Variants in YEATS2 observed in about 807,000 individuals in gnomAD.
The protein encoded by YEATS2 is YEATS domain containing 2, also known as YEATS domain-containing protein 2.
Under a neutral mutation model 163.2 loss-of-function variants are expected in YEATS2, and 77 were observed. The ratio of observed to expected loss-of-function variants is 0.47; its 90% CI spans 0.39 to 0.57. The LOEUF is 0.57. Among genes scored for constraint, YEATS2 ranks in the 20% least tolerant of loss-of-function variants. The probability of loss-of-function intolerance (pLI) is 0.00; values close to 1 mark genes in which losing one functional copy is unlikely to be tolerated. For missense variants in YEATS2, 1,549 were observed against 1,729.8 expected (o/e 0.90, Z 1.85); for synonymous variants, 631 against 645.1 (o/e 0.98, Z 0.33).
At chr3:183,710,092 C>G (rs1417694141) in intron 1 of YEATS2, among the ~76,000 whole-genome samples, 1 of 152,192 alleles carries the variant, frequency 6.6e-6, no homozygotes, top group Non-Finnish European at 1.5e-5. Context: ...AAAATTCTTT[C>G]TCACAGTCAA....
Position 183,773,808 on chromosome 3 carries a change from T to C in YEATS2, c.2368+14T>C, listed in dbSNP as rs1427177984. On this transcript the variant is annotated intron_variant, in intron 17 of 30. Coordinates refer to ENST00000305135, the MANE Select transcript of YEATS2 (RefSeq NM_018023.5). ...CGAACAATGCTAGTTAGTGAAACCA[T>C]TGGGTTGAATCATTTGGTTCTTGGT... 1.3e-6 allele frequency: 2 copies of C among 1,594,280 alleles called. No homozygotes were observed. Among genetic ancestry groups the C allele is most frequent in the African/African-American group, 2.7e-5 (2 of 73,852 alleles).
chr3:183,724,669 C>T (rs1577062281), intron 6 of YEATS2, 138 bp downstream of exon 6: 1 of 618,596 alleles, frequency 1.6e-6, no homozygotes. Context: ...AAGTAAACCA[C>T]AGTCTAGAGA....
intron 6 of YEATS2, among the ~76,000 whole-genome samples, chr3:183,727,233 AAG>A (rs1159317537): frequency 1.3e-5 from 2 of 152,204 alleles, no homozygotes; most frequent in African/African-American, 4.8e-5. Flanking sequence ...AAATTAAAAA[AAG>A]AGAAGGCACA....
Position 183,797,886 on chromosome 3 carries a change from G to GA in YEATS2, c.3098-36dup, listed in dbSNP as rs1384160615. ...GATAAGAGACTTTCCCGAAGCACCT[G>GA]ACCTTCAACTTGGCTTTATCTTCCA... On this transcript the variant is annotated intron_variant, in intron 21 of 30. Transcript: ENST00000305135. 3 of 1,612,438 alleles carry GA rather than the reference G, an allele frequency of 1.9e-6. No homozygotes were observed. In the Admixed American group the frequency reaches 5.0e-5, roughly 27 times the overall value.
At chr3:183,771,610 G>A (rs1722483256) in intron 15 of YEATS2, among the ~76,000 whole-genome samples, 1 of 142,950 alleles carries the variant, frequency 7.0e-6, no homozygotes, top group African/African-American at 2.6e-5. Flanking sequence ...GAGGGCAGTG[G>A]TGTGATCACG....
intron 15 of YEATS2, among the ~76,000 whole-genome samples, chr3:183,766,259 T>C (rs1008227284): frequency 6.6e-6 from 1 of 152,150 alleles, no homozygotes; most frequent in African/African-American, 2.4e-5. Flanking sequence ...GTAGAAGAAT[T>C]AGAGATTGTA....
Position 183,810,964 on chromosome 3 carries a change from A to G in YEATS2, c.*381A>G, listed in dbSNP as rs1315048851. On this transcript the variant is annotated 3_prime_UTR_variant, in exon 31 of 31. Transcript: ENST00000305135. ...GTAGAAAATGAGTGGCAGGCTAGAG[A>G]TTTCACCCATTTTGTGGGCTGGAGT... 2.0e-5 allele frequency: 4 copies of G among 202,456 alleles called. No individual in the cohort carries two copies. Among genetic ancestry groups the G allele is most frequent in the African/African-American group, 9.3e-5 (4 of 42,858 alleles). The allele number at this position is 202,456 out of a possible 1,614,324, so 12.5% of individuals were successfully genotyped here.
chr3:183,728,675 TTTC>T lies in YEATS2; in HGVS notation c.651-7_651-5del, dbSNP rs775033728. 2.6e-6 allele frequency: 4 copies of T among 1,538,692 alleles called. No homozygotes were observed. In the African/African-American group the frequency reaches 4.2e-5, roughly 16 times the overall value. On this transcript the variant is annotated splice_polypyrimidine_tract_variant and intron_variant, in intron 6 of 30. Coordinates refer to ENST00000305135, the MANE Select transcript of YEATS2 (RefSeq NM_018023.5). ...GGACGAAAAGAATTCAGGTTTCTTT[TTTC>T]TTCTTCTCTAGGTATATACCTCCGG...
At position 183,804,118 on chromosome 3, in the gene YEATS2, G is replaced by C. The variant is rs201802472; in HGVS notation, c.3714G>C (p.Pro1238=). The C allele has an allele frequency of 6.2e-7, 1 of 1,614,090 alleles. No homozygotes were observed. The highest frequency in any genetic ancestry group is 8.5e-7 in the Non-Finnish European group (1 of 1,180,000). The change falls in exon 27 of 31, where the codon CCG becomes CCC. Residue 1238 remains proline, a synonymous_variant. Transcript: ENST00000305135. ...HWCRCHGYTP[P]DPESLRNDGD... ...GCCGCTGTCATGGCTACACCCCACC[G>C]GACCCTGAGAGCCTGAGGAATGACG...
At chr3:183,706,377 A>G (rs1332008860) in intron 1 of YEATS2, among the ~76,000 whole-genome samples, 1 of 152,156 alleles carries the variant, frequency 6.6e-6, no homozygotes, top group Non-Finnish European at 1.5e-5. Context: ...AATTTGTTCT[A>G]AATGTTATGA....
intron 3 of YEATS2, 33 bp from the exon 4 acceptor site, chr3:183,718,467 T>G: frequency 6.4e-7 from 1 of 1,567,890 alleles, no homozygotes; most frequent in Non-Finnish European, 8.7e-7. Context: ...TAATTGCCGT[T>G]TTTTAAAGTA....
chr3:183,793,282 C>A, intron 21 of YEATS2: 1 of 1,148,146 alleles, frequency 8.7e-7, no homozygotes, highest in Non-Finnish European at 1.1e-6. Flanking sequence ...TCATATGTAG[C>A]TCCACACCAG....
chr3:183,754,435 A>G, intron 11 of YEATS2, 70 bp downstream of exon 11: 1 of 1,524,572 alleles, frequency 6.6e-7, no homozygotes, highest in Non-Finnish European at 8.8e-7. Context: ...ACAACAAAAC[A>G]AAATACTTGG....
Position 183,786,276 on chromosome 3 carries a change from T to G in YEATS2, c.2888T>G (p.Leu963Arg), listed in dbSNP as rs765814081. 2 of 1,613,616 alleles carry G rather than the reference T, an allele frequency of 1.2e-6. No homozygotes were observed. The highest frequency in any genetic ancestry group is 1.7e-6 in the Non-Finnish European group (2 of 1,179,664). ...ACTGCCACTTCCCCTGCCGTGGCCC[T>G]CTCAGCAAACGGTCCTGCACAACAG... ...ITTATSPAVA[L>R]SANGPAQQSE... Residue 963 changes from leucine to arginine, a missense_variant, in exon 20 of 31, where the codon CTC becomes CGC. By Grantham distance (102) the Leu-to-Arg change is moderately radical. Coordinates refer to ENST00000305135, the MANE Select transcript of YEATS2 (RefSeq NM_018023.5).
Position 183,758,899 on chromosome 3 carries a change from C to T in YEATS2, c.1590C>T (p.Val530=), listed in dbSNP as rs559212832. Residue 530 remains valine (V), a synonymous_variant, in exon 13 of 31, where the codon GTC becomes GTT. Transcript: ENST00000305135. ...ACAAGATCTCCACGGCTTCTCAGGT[C>T]TCCCAAGGAACAGGTTCCCCTGTTC... The part of the protein sequence containing the change: ...PTNKISTASQ[V]SQGTGSPVPK... 1.9e-6 allele frequency: 3 copies of T among 1,597,186 alleles called. No individual in the cohort carries two copies. The African/African-American group carries it at 4.1e-5, about 22-fold the overall frequency.
At chr3:183,738,607 G>T (rs1344090499) in intron 8 of YEATS2, among the ~76,000 whole-genome samples, 1 of 136,586 alleles carries the variant, frequency 7.3e-6, no homozygotes, top group East Asian at 2.2e-4. Flanking sequence ...ATGTGTCCAG[G>T]TGATCTCATT....
At chr3:183,737,397 T>C (rs1362871214) in intron 8 of YEATS2, among the ~76,000 whole-genome samples, 1 of 152,202 alleles carries the variant, frequency 6.6e-6, no homozygotes, top group Non-Finnish European at 1.5e-5. Flanking sequence ...TGCTTACTGC[T>C]ACAACACTAC....
intron 13 of YEATS2, among the ~76,000 whole-genome samples, chr3:183,760,358 G>A (rs1054887299): frequency 1.7e-5 from 2 of 119,106 alleles, no homozygotes; most frequent in Non-Finnish European, 3.2e-5. Context: ...TTTCGCTCTC[G>A]TTGCCAAGGC....
At chr3:183,721,628 T>C (rs139520475) in intron 4 of YEATS2, among the ~76,000 whole-genome samples, 5 of 152,314 alleles carry the variant, frequency 3.3e-5, no homozygotes, top group African/African-American at 1.2e-4. Context: ...TGTTAACATA[T>C]ATTATTTCTC....
Sources: gnomAD v4.1 joint callset for allele counts (sites outside exome capture counted in the v4.1 genomes callset) on GRCh38, gnomAD v4.1.1 for gene constraint, MANE v1.5 for transcripts, NCBI Gene and HGNC (gene_info 2026-07-23, HGNC 2026-07-21) for gene names.